Variants in STPG2 observed in about 807,000 individuals in gnomAD.
STPG2 encodes sperm-tail PG-rich repeat-containing protein 2.
STPG2 carries 56 observed loss-of-function variants against 54.2 expected under a neutral mutation model. That is an observed-to-expected ratio of 1.03 (90% CI 0.83 to 1.29). The LOEUF is 1.29. Among genes scored for constraint, STPG2 ranks in the 50% most tolerant of loss-of-function variants. STPG2 has a pLI of 0.00. For synonymous variants in STPG2, 200 were observed against 181.8 expected, an observed-to-expected ratio of 1.10 and a Z score of -0.81; for missense variants, 596 against 544.9, an observed-to-expected ratio of 1.09 and a Z score of -0.93.
At chr4:97,944,438 T>C (rs1341263547) in intron 7 of STPG2, among the ~76,000 whole-genome samples, 2 of 151,988 alleles carry the variant, frequency 1.3e-5, no homozygotes, top group East Asian at 1.9e-4. Context: ...CTAAGCAAAA[T>C]GATCCACTCA....
intron 10 of STPG2, among the ~76,000 whole-genome samples, chr4:97,626,900 G>C (rs1340952143): frequency 1.3e-5 from 2 of 151,898 alleles, no homozygotes; most frequent in Non-Finnish European, 2.9e-5. Context: ...TATGACTACA[G>C]GTTGGCAAAA....
intron 9 of STPG2, among the ~76,000 whole-genome samples, chr4:97,779,076 G>A (rs945904086): frequency 6.6e-6 from 1 of 152,192 alleles, no homozygotes; most frequent in African/African-American, 2.4e-5. Context: ...AACAAAGCTG[G>A]GTGGAGAATG....
intron 7 of STPG2, among the ~76,000 whole-genome samples, chr4:97,945,120 A>G (rs1733154276): frequency 6.6e-6 from 1 of 152,128 alleles, no homozygotes; most frequent in Admixed American, 6.6e-5. Flanking sequence ...GATGTATAGT[A>G]CAGTGGTGAA....
intron 1 of STPG2, among the ~76,000 whole-genome samples, chr4:98,136,353 G>A (rs563687621): frequency 7.9e-5 from 12 of 151,604 alleles, no homozygotes; most frequent in Non-Finnish European, 1.5e-4. Context: ...TGTAATATAC[G>A]TAACCTATAA....
At chr4:97,781,906 G>T (rs898031034) in intron 9 of STPG2, among the ~76,000 whole-genome samples, 1 of 152,056 alleles carries the variant, frequency 6.6e-6, no homozygotes, top group African/African-American at 2.4e-5. Flanking sequence ...AAACTCTCAA[G>T]AAATTAGGTA....
At chr4:97,952,303 C>G (rs1435462464) in intron 7 of STPG2, among the ~76,000 whole-genome samples, 1 of 152,066 alleles carries the variant, frequency 6.6e-6, no homozygotes, top group East Asian at 1.9e-4. Context: ...TCTCCAAGAC[C>G]CTTCATGAGC....
At chr4:97,870,777 A>G (rs954563458) in intron 8 of STPG2, among the ~76,000 whole-genome samples, 1 of 151,344 alleles carries the variant, frequency 6.6e-6, no homozygotes, top group Non-Finnish European at 1.5e-5. Context: ...CAAAATAAAC[A>G]GAGATGTAGA....
rs143348582 is a variant in STPG2 at position 97,999,654 on chromosome 4, A to T, written c.613-18336T>A. Among the ~76,000 whole-genome samples, 1,105 of 152,130 alleles carry T rather than the reference A, an allele frequency of 7.3e-3. 12 individuals are homozygous for T. The highest frequency in any genetic ancestry group is 0.024 in the Middle Eastern group (7 of 292). On this transcript the variant is annotated intron_variant, in intron 5 of 10. Transcript: ENST00000295268. ...GCAGAGGTGGCAGTGAGCTGAGATCATGCCACTACTCTCCAGCCTAAGTGA... is the reference window on the plus strand; with the variant it reads ...GCAGAGGTGGCAGTGAGCTGAGATCTTGCCACTACTCTCCAGCCTAAGTGA...
chr4:97,906,491 A>C (rs1052617515), intron 8 of STPG2, among the ~76,000 whole-genome samples: 1 of 152,058 alleles, frequency 6.6e-6, no homozygotes, highest in Non-Finnish European at 1.5e-5. Context: ...ATAGAAAAAG[A>C]GAGAATCCTC....
chr4:97,858,146 A>C (rs1262513694), intron 8 of STPG2, among the ~76,000 whole-genome samples: 1 of 152,172 alleles, frequency 6.6e-6, no homozygotes, highest in Non-Finnish European at 1.5e-5. Flanking sequence ...TGATAATGTC[A>C]GAGAACTTTC....
At chr4:97,796,036 T>A (rs1356552338) in intron 9 of STPG2, among the ~76,000 whole-genome samples, 1 of 152,230 alleles carries the variant, frequency 6.6e-6, no homozygotes, top group Non-Finnish European at 1.5e-5. Flanking sequence ...CGTCCACTTT[T>A]AGATGGGGTT....
rs1418853329 is a variant in STPG2, at chr4:98,019,871, T to A, written c.613-38553A>T. Among the ~76,000 whole-genome samples the A allele has an allele frequency of 1.7e-5, 2 of 120,358 alleles. 1 individual carries two copies. The highest frequency in any genetic ancestry group is 1.6e-4 in the Admixed American group (2 of 12,550). The allele number at this position is 120,358 out of a possible 152,430, so 79.0% of individuals were successfully genotyped here. A position where few individuals can be genotyped will look rare whatever the true frequency, so the allele number is the denominator to read the frequency against. On this transcript the variant is annotated intron_variant, in intron 5 of 10. Transcript: ENST00000295268. ...GTGATTTTTTTACATTGATTTTGTA[T>A]CCTGAGACTTTGCTGAAGTTGCTTA... is the stretch of plus-strand genomic sequence containing the variant.
At chr4:98,088,613 G>A (rs986232666) in intron 5 of STPG2, among the ~76,000 whole-genome samples, 2 of 147,186 alleles carry the variant, frequency 1.4e-5, no homozygotes, top group African/African-American at 2.5e-5. Context: ...ATTAGCAAAC[G>A]GTAAATAATA....
intron 5 of STPG2, among the ~76,000 whole-genome samples, chr4:98,023,010 CT>C (rs1254291903): frequency 6.6e-6 from 1 of 152,206 alleles, no homozygotes; most frequent in African/African-American, 2.4e-5. Context: ...GCCTTCTTCT[CT>C]CAACTCATCA....
At chr4:97,521,435 GT>G (rs1334759675) in intron 4 of STPG2, among the ~76,000 whole-genome samples, 2 of 152,096 alleles carry the variant, frequency 1.3e-5, no homozygotes, top group African/African-American at 4.8e-5. Flanking sequence ...GTATTAGAAG[GT>G]TCCCAATGCC....
intron 10 of STPG2, among the ~76,000 whole-genome samples, chr4:97,691,846 G>A (rs921621414): frequency 6.1e-4 from 93 of 152,196 alleles, no homozygotes; most frequent in African/African-American, 2.0e-3. Flanking sequence ...GCTGACAGAC[G>A]TGAAGACGAA....
At chr4:97,728,885 T>G (rs1443632936) in intron 9 of STPG2, among the ~76,000 whole-genome samples, 1 of 151,472 alleles carries the variant, frequency 6.6e-6, no homozygotes, top group Admixed American at 6.6e-5. Context: ...ATCTGTGTGT[T>G]TGTGTGTATG....
intron 4 of STPG2, among the ~76,000 whole-genome samples, chr4:97,493,742 G>C (rs1003465388): frequency 8.6e-5 from 13 of 151,610 alleles, no homozygotes; most frequent in Admixed American, 3.3e-4. Context: ...AGGAGATACT[G>C]TTCCATTTTC....
At chr4:97,535,366 T>A (rs1462881800) in intron 4 of STPG2, among the ~76,000 whole-genome samples, 1 of 152,188 alleles carries the variant, frequency 6.6e-6, no homozygotes, top group Admixed American at 6.5e-5. Context: ...TTTGTGTAAA[T>A]CTAAATTTCC....
Sources: allele counts gnomAD v4.1 joint callset (sites outside exome capture counted in the v4.1 genomes callset), GRCh38; gene constraint gnomAD v4.1.1; transcripts MANE v1.5; gene names NCBI Gene and HGNC (gene_info 2026-07-23, HGNC 2026-07-21).